Variants in ZNF665 observed in about 807,000 individuals in gnomAD.
The protein encoded by ZNF665 is zinc finger protein 665.
In ZNF665, 6 loss-of-function variants were observed where a neutral mutation model predicts 7.9. The observed-to-expected ratio is 0.76, with a 90% CI of 0.42 to 1.50. The LOEUF (loss-of-function observed/expected upper bound fraction) is 1.50, where lower values mean the gene tolerates loss of function less well. ZNF665 is among the 40% of genes most tolerant of loss of function. ZNF665 has a pLI of 0.01. For synonymous variants in ZNF665, 242 were observed against 274.5 expected (o/e 0.88, Z 1.17); for missense variants, 819 against 806.7 (o/e 1.02, Z -0.18).
At chr19:53,192,214 A>G (rs1180331682) in intron 1 of ZNF665, among the ~76,000 whole-genome samples, 1 of 151,168 alleles carries the variant, frequency 6.6e-6, no homozygotes, top group African/African-American at 2.4e-5. Flanking sequence ...TTCTTCCCTT[A>G]TCTCTGCTCT....
At chr19:53,171,524 A>ATATTTTT (rs372855271) in intron 3 of ZNF665, among the ~76,000 whole-genome samples, 49 of 69,330 alleles carry the variant, frequency 7.1e-4, no homozygotes, top group African/African-American at 1.9e-3. Flanking sequence ...ATATATATAT[A>ATATTTTT]TTTTTTTTTT....
intron 1 of ZNF665, among the ~76,000 whole-genome samples, chr19:53,192,779 G>A (rs1697980063): frequency 6.6e-6 from 1 of 152,084 alleles, no homozygotes; most frequent in Non-Finnish European, 1.5e-5. Context: ...ACAAGGCCCG[G>A]GCACCTCCCC....
chr19:53,190,758 C>A lies in ZNF665; in HGVS notation c.-46+2554G>T, dbSNP rs558468716. On this transcript the variant is annotated intron_variant, in intron 1 of 3. Coordinates refer to ENST00000396424, the MANE Select transcript of ZNF665 (RefSeq NM_024733.5). ...AGACCAGCCTGGCCAACATGGTGAA[C>A]CCCCTTCTCTACTAAAAACACAAAA... is the stretch of plus-strand genomic sequence containing the variant. 3.9e-5 allele frequency among the ~76,000 whole-genome samples: 6 copies of A among 152,174 alleles called. No homozygotes were observed. In the East Asian group the frequency reaches 1.2e-3, roughly 30 times the overall value.
intron 2 of ZNF665, among the ~76,000 whole-genome samples, chr19:53,179,253 G>A (rs2090719720): frequency 6.6e-6 from 1 of 151,796 alleles, no homozygotes; most frequent in Non-Finnish European, 1.5e-5. Context: ...GCGGACGCCT[G>A]TAGTCCCAGC....
chr19:53,165,591 G>A lies in ZNF665; in HGVS notation c.899C>T (p.Thr300Ile). 1 of 1,613,522 alleles carries A rather than the reference G, an allele frequency of 6.2e-7. No individual in the cohort carries two copies. The highest frequency in any genetic ancestry group is 8.5e-7 in the Non-Finnish European group (1 of 1,179,926). Residue 300 changes from threonine (T) to isoleucine (I), a missense_variant, in exon 4 of 4, where the codon ACT becomes ATT. By Grantham distance (89) the Thr-to-Ile change is moderately conservative. Transcript: ENST00000396424. ...ATGACTTGCAAGGTGTGAATTTTGA[G>A]TGAAGCACTTGCCACATTCCTTACA... is the stretch of plus-strand genomic sequence containing the variant. ...YKCKECGKCF[T>I]QNSHLASHRR...
chr19:53,174,460 C>T (rs2090681323), intron 3 of ZNF665, among the ~76,000 whole-genome samples: 1 of 152,202 alleles, frequency 6.6e-6, no homozygotes, highest in African/African-American at 2.4e-5. Context: ...CTCCCATTTG[C>T]AGGGTGTTTC....
intron 3 of ZNF665, among the ~76,000 whole-genome samples, chr19:53,171,528 T>TTA (rs1568658369): frequency 1.5e-5 from 1 of 65,882 alleles, no homozygotes; most frequent in Non-Finnish European, 3.4e-5. Flanking sequence ...ATATATATTT[T>TTA]TTTTTTTTTT....
intron 3 of ZNF665, among the ~76,000 whole-genome samples, chr19:53,168,074 AAAAAAAAAG>A (rs1055046717): frequency 2.7e-5 from 4 of 149,370 alleles, no homozygotes; most frequent in Non-Finnish European, 5.9e-5. Flanking sequence ...AAAAAAAAAA[AAAAAAAAAG>A]AAAGAAAGAA....
rs953870402 is a variant in ZNF665 at position 53,162,476 on chromosome 19, C to T, written c.*1977G>A. Reference sequence around the variant, plus strand: ...TAAAACATTAAATCTATGATGCATTCTTAAATAGTAGCAAAATGTGATTCC... The same window carrying T: ...TAAAACATTAAATCTATGATGCATTTTTAAATAGTAGCAAAATGTGATTCC... On this transcript the variant is annotated 3_prime_UTR_variant, in exon 4 of 4. Coordinates refer to ENST00000396424, the MANE Select transcript of ZNF665 (RefSeq NM_024733.5). 2 of 152,146 alleles carry T rather than the reference C, an allele frequency of 1.3e-5. No individual in the cohort carries two copies. The highest frequency in any genetic ancestry group is 2.9e-5 in the Non-Finnish European group (2 of 68,032). 9.4% of individuals were successfully genotyped at this position (152,146 alleles called of 1,614,324 possible). A position where few individuals can be genotyped will look rare whatever the true frequency, so the allele number is the denominator to read the frequency against.
At chr19:53,179,987 A>C (rs1016911264) in intron 2 of ZNF665, 1 of 152,202 alleles carries the variant, frequency 6.6e-6, no homozygotes, top group African/African-American at 2.4e-5. Context: ...TGTTTTTCCT[A>C]AACAGCACCA....
At chr19:53,190,888 C>T (rs758140815) in intron 1 of ZNF665, among the ~76,000 whole-genome samples, 3 of 143,628 alleles carry the variant, frequency 2.1e-5, no homozygotes, top group Admixed American at 6.8e-5. Context: ...GAGCCAAGAT[C>T]GTGCCATTGC....
chr19:53,185,351 G>A (rs927458810), intron 1 of ZNF665, among the ~76,000 whole-genome samples: 15 of 152,204 alleles, frequency 9.9e-5, no homozygotes, highest in South Asian at 2.1e-4. Context: ...GCATGACAGA[G>A]GGTTCGCACT....
intron 1 of ZNF665, among the ~76,000 whole-genome samples, chr19:53,192,650 TC>T (rs1326183112): frequency 2.0e-5 from 3 of 152,180 alleles, no homozygotes; most frequent in Non-Finnish European, 4.4e-5. Context: ...CCTCTCTGTC[TC>T]CTGATCCCCT....
intron 3 of ZNF665, 81 bp downstream of exon 3, chr19:53,175,364 G>A: frequency 6.5e-7 from 1 of 1,532,232 alleles, no homozygotes; most frequent in South Asian, 1.2e-5. Context: ...AAGCAATGCA[G>A]GGGCTCTCAA....
chr19:53,180,249 A>G (rs1209608716), intron 2 of ZNF665, among the ~76,000 whole-genome samples: 2 of 152,074 alleles, frequency 1.3e-5, no homozygotes, highest in East Asian at 1.9e-4. Flanking sequence ...CCTGGCTAAC[A>G]TGGTAAAACC....
chr19:53,180,610 A>T (rs1437422881), intron 2 of ZNF665: 1 of 152,206 alleles, frequency 6.6e-6, no homozygotes, highest in Non-Finnish European at 1.5e-5. Context: ...AAATTAAGTG[A>T]AATAAGGAGA....
rs1211589002 is a variant in ZNF665 at position 53,165,767 on chromosome 19, C to T, written c.723G>A (p.Lys241=). The change falls in exon 4 of 4, where the codon AAG becomes AAA. Residue 241 remains lysine, a synonymous_variant. Transcript: ENST00000396424. ...EKPYKCNECG[K]VFSQPSNLAG... is the part of the protein sequence containing the mutation. ...CAAGGTTTGAAGGTTGACTGAAGACCTTTCCACATTCATTACATTTGTAAG... is the reference window on the plus strand; with the variant it reads ...CAAGGTTTGAAGGTTGACTGAAGACTTTTCCACATTCATTACATTTGTAAG... 2 of 1,614,128 alleles carry T rather than the reference C, an allele frequency of 1.2e-6. No individual in the cohort carries two copies. Among genetic ancestry groups the T allele is most frequent in the Admixed American group, 3.3e-5 (2 of 60,012 alleles).
At chr19:53,178,980 T>C (rs1467608280) in intron 2 of ZNF665, among the ~76,000 whole-genome samples, 2 of 152,156 alleles carry the variant, frequency 1.3e-5, no homozygotes, top group South Asian at 2.1e-4. Flanking sequence ...GTCACACTTA[T>C]AGAAAAAAGC....
intron 3 of ZNF665, among the ~76,000 whole-genome samples, chr19:53,171,184 C>G (rs1000477979): frequency 6.6e-6 from 1 of 151,860 alleles, no homozygotes; most frequent in African/African-American, 2.4e-5. Context: ...CGGGGTTTCA[C>G]CATGTTGGCC....
Sources: allele counts gnomAD v4.1 joint callset (sites outside exome capture counted in the v4.1 genomes callset), GRCh38; gene constraint gnomAD v4.1.1; transcripts MANE v1.5; gene names NCBI Gene and HGNC (gene_info 2026-07-23, HGNC 2026-07-21).